WHAMM: variants seen among roughly 807,000 people sequenced by gnomAD.
WHAMM encodes WASP homolog associated with actin, golgi membranes and microtubules, also known as WASP homolog-associated protein with actin, membranes and microtubules.
Under a neutral mutation model 76.5 loss-of-function variants are expected in WHAMM, and 67 were observed. That is an observed-to-expected ratio of 0.88 (90% CI 0.72 to 1.07). The LOEUF (loss-of-function observed/expected upper bound fraction) is 1.07, where lower values mean the gene tolerates loss of function less well. Among genes scored for constraint, WHAMM ranks in the 50% least tolerant of loss-of-function variants. WHAMM has a pLI of 0.00. For missense variants in WHAMM, 1,021 were observed against 1,051.1 expected (o/e 0.97, Z 0.40); for synonymous variants, 419 against 422.1 (o/e 0.99, Z 0.09).
chr15:82,826,838 T>C lies in WHAMM; in HGVS notation c.1633T>C (p.Phe545Leu), dbSNP rs1320611902. The C allele has an allele frequency of 6.5e-7, 1 of 1,547,620 alleles. No homozygotes were observed. Among genetic ancestry groups the C allele is most frequent in the East Asian group, 2.4e-5 (1 of 40,860 alleles). The stretch of plus-strand genomic sequence containing the variant: ...AAAAACACTCCAACGATTGAGATCA[T>C]TTAAAGATGTAAGTTCTATAAACAA... ...RQKTLQRLRS[F>L]KDKRLAQSVR... Residue 545 changes from phenylalanine (F) to leucine (L), a missense_variant, in exon 8 of 10, where the codon TTT becomes CTT. Transcript: ENST00000286760.
At chr15:82,830,182 A>T (rs1439798517) in intron 8 of WHAMM, among the ~76,000 whole-genome samples, 1 of 146,760 alleles carries the variant, frequency 6.8e-6, no homozygotes, top group Non-Finnish European at 1.5e-5. Flanking sequence ...TGTACTATTT[A>T]TCACTTTTTA....
Position 82,817,927 on chromosome 15 carries a change from G to C in WHAMM, c.942G>C (p.Gln314His), listed in dbSNP as rs2050753723. The stretch of plus-strand genomic sequence containing the variant: ...ATTTTTATAATCCAACAGGAATGCA[G>C]AAAGAAATGGAACAGGATGCGAAGA... Reference protein sequence around the residue: ...KETVKALAGMQKEMEQDAKRF... With the variant: ...KETVKALAGMHKEMEQDAKRF... Residue 314 changes from glutamine to histidine, a missense_variant, in exon 4 of 10, where the codon CAG (glutamine) becomes CAC (histidine). Physicochemically the swap from Gln to His is conservative, Grantham distance 24. This residue lies in a region of WHAMM where 501 missense variants were observed against 524.9 expected (regional missense o/e 0.95). Transcript: ENST00000286760. 2.6e-6 allele frequency: 4 copies of C among 1,522,702 alleles called. No homozygotes were observed. The highest frequency in any genetic ancestry group is 2.6e-6 in the Non-Finnish European group (3 of 1,132,812). The allele number at this position is 1,522,702 out of a possible 1,614,324, so 94.3% of individuals were successfully genotyped here.
rs921785563 is a variant in WHAMM at position 82,810,131 on chromosome 15, G to A, written c.405G>A (p.Ala135=). The A allele has an allele frequency of 5.4e-5, 73 of 1,355,166 alleles. No homozygotes were observed. The African/African-American group carries it at 1.0e-3, about 18-fold the overall frequency. The allele number at this position is 1,355,166 out of a possible 1,614,324, so 83.9% of individuals were successfully genotyped here. The change falls in exon 1 of 10, where the codon GCG becomes GCA. Residue 135 remains alanine (A), a synonymous_variant. Coordinates refer to ENST00000286760, the MANE Select transcript of WHAMM (RefSeq NM_001080435.3). ...GGGCGCTGCTGTGGCCGACGCGCGC[G>A]GGTCCCGGCGAGGCGGCGCTGCAGG... ...GLWALLWPTR[A]GPGEAALQEL...
chr15:82,827,359 C>T (rs1032915373), intron 8 of WHAMM, among the ~76,000 whole-genome samples: 2 of 151,434 alleles, frequency 1.3e-5, no homozygotes, highest in African/African-American at 4.9e-5. Flanking sequence ...TTTTTATGCC[C>T]TCTGTTCTAG....
intron 3 of WHAMM, among the ~76,000 whole-genome samples, 180 bp downstream of exon 3, chr15:82,817,022 C>T (rs1046121787): frequency 6.6e-6 from 1 of 152,138 alleles, no homozygotes; most frequent in Admixed American, 6.5e-5. Flanking sequence ...ATTATCTATT[C>T]ATTGAAGCAC....
Position 82,810,067 on chromosome 15 carries a change from TG to T in WHAMM, c.344del (p.Gly115AlafsTer101). On this transcript the variant is annotated frameshift_variant, in exon 1 of 10. Coordinates refer to ENST00000286760, the MANE Select transcript of WHAMM (RefSeq NM_001080435.3). LOFTEE classifies it high-confidence loss of function. Reference sequence around the variant, plus strand: ...CCGCGGCTGCCGCCGGAGCTGGACGTGGGCGGCGGCGGGGCCTGGGGTCTGG... The same window carrying T: ...CCGCGGCTGCCGCCGGAGCTGGACGTGGCGGCGGCGGGGCCTGGGGTCTGG... ...CFPRLPPELD[V>X]GGGGAWGLGL... The T allele has an allele frequency of 8.4e-7, 1 of 1,189,990 alleles. No homozygotes were observed. Among genetic ancestry groups the T allele is most frequent in the Non-Finnish European group, 1.0e-6 (1 of 966,986 alleles). 73.7% of individuals were successfully genotyped at this position (1,189,990 alleles called of 1,614,324 possible). A position where few individuals can be genotyped will look rare whatever the true frequency, so the allele number is the denominator to read the frequency against.
chr15:82,830,354 T>C (rs976522645), intron 8 of WHAMM, among the ~76,000 whole-genome samples: 4 of 152,230 alleles, frequency 2.6e-5, no homozygotes, highest in African/African-American at 9.6e-5. Flanking sequence ...TCTATATGTA[T>C]GCTTTCATAT....
At chr15:82,815,206 T>C (rs1256752715) in intron 2 of WHAMM, among the ~76,000 whole-genome samples, 1 of 144,618 alleles carries the variant, frequency 6.9e-6, no homozygotes, top group Non-Finnish European at 1.5e-5. Context: ...TGATCATTAC[T>C]GTGTAATTTC....
chr15:82,813,321 C>T, intron 2 of WHAMM, 45 bp downstream of exon 2: 2 of 1,393,794 alleles, frequency 1.4e-6, no homozygotes, highest in East Asian at 2.6e-5. Context: ...TACTATTTGT[C>T]ATAAATTATT....
chr15:82,817,248 G>C (rs79573382), intron 3 of WHAMM, among the ~76,000 whole-genome samples: 3 of 152,336 alleles, frequency 2.0e-5, no homozygotes, highest in Admixed American at 1.3e-4. Flanking sequence ...AAAGTCCCCT[G>C]CCTTGAGGGA....
intron 2 of WHAMM, among the ~76,000 whole-genome samples, chr15:82,813,912 A>G (rs899766334): frequency 2.0e-5 from 3 of 151,974 alleles, no homozygotes; most frequent in Non-Finnish European, 4.4e-5. Context: ...TACCCATCTC[A>G]GCCTCCCAAA....
intron 3 of WHAMM, 52 bp from the exon 4 acceptor site, chr15:82,817,868 T>C (rs946630594): frequency 7.2e-7 from 1 of 1,391,862 alleles, no homozygotes; most frequent in African/African-American, 1.4e-5. Flanking sequence ...TCATGATAAA[T>C]GTTTCCCTTT....
chr15:82,817,592 T>C (rs1390798778), intron 3 of WHAMM, among the ~76,000 whole-genome samples: 2 of 152,194 alleles, frequency 1.3e-5, no homozygotes, highest in East Asian at 3.8e-4. Flanking sequence ...AGCAGAATGA[T>C]GATCCTGGTT....
In WHAMM at chr15:82,833,614, T is replaced by TAACA. The variant is rs892941506; in HGVS notation, c.*79_*82dup. 166 of 1,481,990 alleles carry TAACA rather than the reference T, an allele frequency of 1.1e-4. 1 individual carries two copies. Among genetic ancestry groups the TAACA allele is most frequent in the East Asian group, 1.4e-4 (6 of 41,930 alleles). 91.8% of individuals were successfully genotyped at this position (1,481,990 alleles called of 1,614,324 possible). ...GTCTTAGACCTATCGAAAAGCATAC[T>TAACA]AACAGGGTGCTGATAGATGGGCCAC... On this transcript the variant is annotated 3_prime_UTR_variant, in exon 10 of 10. Coordinates refer to ENST00000286760, the MANE Select transcript of WHAMM (RefSeq NM_001080435.3).
chr15:82,817,796 TAAA>T, intron 3 of WHAMM, 121 bp from the exon 4 acceptor site: 1 of 733,034 alleles, frequency 1.4e-6, no homozygotes, highest in Non-Finnish European at 2.0e-6. Flanking sequence ...AAAAAGTTAA[TAAA>T]ATTTCTTTTA....
intron 6 of WHAMM, among the ~76,000 whole-genome samples, chr15:82,824,162 C>CTTTTTTTTTTTTTTTTTTTTTTT (rs71156055): frequency 3.4e-5 from 4 of 118,080 alleles, no homozygotes; most frequent in Non-Finnish European, 5.2e-5. Context: ...TACTTTTCTC[C>CTTTTTTTTTTTTTTTTTTTTTTT]TTTTTTTTTT....
rs2050601586 is a variant in WHAMM at position 82,810,137 on chromosome 15, C to T, written c.411C>T (p.Pro137=). The part of the protein sequence containing the change: ...WALLWPTRAG[P]GEAALQELCG... ...TGCTGTGGCCGACGCGCGCGGGTCCCGGCGAGGCGGCGCTGCAGGAGCTGT... is the reference window on the plus strand; with the variant it reads ...TGCTGTGGCCGACGCGCGCGGGTCCTGGCGAGGCGGCGCTGCAGGAGCTGT... Residue 137 remains proline, a synonymous_variant, in exon 1 of 10, where the codon CCC becomes CCT. Transcript: ENST00000286760. The T allele has an allele frequency of 1.5e-6, 2 of 1,364,084 alleles. No individual in the cohort carries two copies. Among genetic ancestry groups the T allele is most frequent in the South Asian group, 1.5e-5 (1 of 65,714 alleles). The allele number at this position is 1,364,084 out of a possible 1,614,324, so 84.5% of individuals were successfully genotyped here.
chr15:82,826,292 C>A, intron 6 of WHAMM, 118 bp from the exon 7 acceptor site: 1 of 1,046,520 alleles, frequency 9.6e-7, no homozygotes, highest in Non-Finnish European at 1.4e-6. Flanking sequence ...CGCTCCAGAA[C>A]TAATATTAAT....
intron 6 of WHAMM, 102 bp from the exon 7 acceptor site, chr15:82,826,308 C>G: frequency 8.2e-7 from 1 of 1,213,394 alleles, no homozygotes; most frequent in Non-Finnish European, 1.2e-6. Flanking sequence ...TTAATGAATG[C>G]CTTACACTAT....
Sources: gnomAD v4.1 joint callset for allele counts (sites outside exome capture counted in the v4.1 genomes callset) on GRCh38, gnomAD v4.1.1 for gene constraint, gnomAD v4.1.1 regional missense constraint, MANE v1.5 for transcripts, NCBI Gene and HGNC (gene_info 2026-07-23, HGNC 2026-07-21) for gene names.